SHOC1: variants seen among roughly 807,000 people sequenced by gnomAD.
The protein encoded by SHOC1 is shortage in chiasmata 1.
Under a neutral mutation model 179.2 loss-of-function variants are expected in SHOC1, and 136 were observed. The observed-to-expected ratio is 0.76, with a 90% CI of 0.66 to 0.87. SHOC1 has a LOEUF of 0.87. Among genes scored for constraint, SHOC1 ranks in the 40% least tolerant of loss-of-function variants. SHOC1 has a pLI of 0.00. For missense variants in SHOC1, 1,538 were observed against 1,700.8 expected (o/e 0.90, Z 1.68); for synonymous variants, 489 against 586.6 (o/e 0.83, Z 2.41).
rs113089026 is a variant in SHOC1 at position 111,781,928 on chromosome 9, T to C, written c.170-911A>G. 3.5e-3 allele frequency among the ~76,000 whole-genome samples: 525 copies of C among 152,122 alleles called. 2 individuals carry two copies. The highest frequency in any genetic ancestry group is 0.012 in the African/African-American group (490 of 41,476). On this transcript the variant is annotated intron_variant, in intron 3 of 27. Transcript: ENST00000682961. ...ATTTAACATCTAAGCCTGTGCCTCA[T>C]TGAAAAACATGAAAAAAAATACAAG... is the stretch of plus-strand genomic sequence containing the variant.
chr9:111,764,200 A>C (rs984976972), intron 5 of SHOC1, among the ~76,000 whole-genome samples: 1 of 152,208 alleles, frequency 6.6e-6, no homozygotes, highest in African/African-American at 2.4e-5. Context: ...TAGCTGTCTC[A>C]GTTATCAGAA....
chr9:111,740,946 G>T (rs1452992217), intron 11 of SHOC1, among the ~76,000 whole-genome samples: 1 of 152,122 alleles, frequency 6.6e-6, no homozygotes, highest in Non-Finnish European at 1.5e-5. Context: ...GGAGCGCAAT[G>T]GCGCCATCTC....
chr9:111,771,779 C>A (rs1055128878), intron 5 of SHOC1, among the ~76,000 whole-genome samples: 13 of 152,046 alleles, frequency 8.6e-5, no homozygotes, highest in African/African-American at 3.1e-4. Flanking sequence ...AAGTCTGTTA[C>A]CAGAAGAATT....
intron 15 of SHOC1, among the ~76,000 whole-genome samples, chr9:111,722,192 G>C (rs1031926429): frequency 2.6e-5 from 4 of 152,018 alleles, no homozygotes; most frequent in Non-Finnish European, 5.9e-5. Flanking sequence ...TGTCAATTAG[G>C]AGCTTCACTG....
At chr9:111,771,610 G>T (rs912984683) in intron 5 of SHOC1, among the ~76,000 whole-genome samples, 34 of 152,082 alleles carry the variant, frequency 2.2e-4, no homozygotes, top group African/African-American at 8.0e-4. Context: ...TCTGATGGGG[G>T]TGGATTCTCT....
intron 1 of SHOC1, among the ~76,000 whole-genome samples, chr9:111,793,873 G>A (rs1836532359): frequency 6.6e-6 from 1 of 151,812 alleles, no homozygotes; most frequent in Admixed American, 6.6e-5. Flanking sequence ...AATTTTTTGA[G>A]ACAGAGTCTC....
At chr9:111,739,514 C>T (rs1833944760) in intron 11 of SHOC1, among the ~76,000 whole-genome samples, 3 of 152,064 alleles carry the variant, frequency 2.0e-5, no homozygotes, top group Admixed American at 2.0e-4. Flanking sequence ...CTTCCTGACA[C>T]TATAAACTAC....
chr9:111,704,424 C>A (rs1344977438), intron 21 of SHOC1, among the ~76,000 whole-genome samples: 1 of 151,960 alleles, frequency 6.6e-6, no homozygotes, highest in Non-Finnish European at 1.5e-5. Flanking sequence ...GCTCTGTTGC[C>A]CAGCCTGGAG....
At chr9:111,761,369 G>A (rs1435165248) in intron 5 of SHOC1, among the ~76,000 whole-genome samples, 2 of 152,096 alleles carry the variant, frequency 1.3e-5, no homozygotes, top group African/African-American at 4.8e-5. Flanking sequence ...GGGCTTGGTG[G>A]TGGGGACCTG....
intron 22 of SHOC1, 119 bp from the exon 23 acceptor site, chr9:111,702,345 G>A: frequency 3.0e-6 from 2 of 655,814 alleles, no homozygotes; most frequent in South Asian, 3.8e-5. Flanking sequence ...GCATGGGTAT[G>A]AGCCCCCATT....
chr9:111,723,764 A>T (rs1175452745), intron 14 of SHOC1, 28 bp downstream of exon 14: 1 of 1,602,650 alleles, frequency 6.2e-7, no homozygotes, highest in African/African-American at 1.3e-5. Flanking sequence ...AGCAAATCTG[A>T]AATGCATTTT....
At position 111,702,116 on chromosome 9, in the gene SHOC1, T is replaced by C; in HGVS notation, c.3078A>G (p.Thr1026=). ...YCWIILYTKE[T]LNSEYLLTEK... ...AAATGTTTACCTACTCTGAATTTAA[T>C]GTTTCTTTGGTATATAAAATTATCC... Residue 1026 remains threonine (T), a synonymous_variant, in exon 23 of 28, where the codon ACA becomes ACG. Transcript: ENST00000682961. 6.7e-7 allele frequency: 1 copy of C among 1,484,110 alleles called. No homozygotes were observed. The allele number at this position is 1,484,110 out of a possible 1,614,324, so 91.9% of individuals were successfully genotyped here.
intron 8 of SHOC1, among the ~76,000 whole-genome samples, chr9:111,751,820 T>C (rs969308274): frequency 4.6e-5 from 7 of 152,096 alleles, no homozygotes; most frequent in African/African-American, 1.7e-4. Context: ...ATAAAATACA[T>C]AAAGTGAGGA....
At chr9:111,781,204 CT>C in intron 3 of SHOC1, 187 bp from the exon 4 acceptor site, 1 of 559,314 alleles carries the variant, frequency 1.8e-6, no homozygotes, top group African/African-American at 1.9e-5. Context: ...ACCCCCGCCC[CT>C]CAATCAACTA....
At chr9:111,758,669 A>T in intron 6 of SHOC1, 26 bp downstream of exon 6, 1 of 1,538,570 alleles carries the variant, frequency 6.5e-7, no homozygotes, top group Non-Finnish European at 8.7e-7. Context: ...AAAAATATTT[A>T]CAGCATTGGT....
At chr9:111,708,359 C>T (rs1456761485) in intron 18 of SHOC1, among the ~76,000 whole-genome samples, 4 of 151,984 alleles carry the variant, frequency 2.6e-5, no homozygotes, top group Non-Finnish European at 4.4e-5. Context: ...CCTGCCACCA[C>T]GCCCAGCCAA....
At chr9:111,704,105 T>C (rs1347389509) in intron 21 of SHOC1, 113 bp from the exon 22 acceptor site, 1 of 555,322 alleles carries the variant, frequency 1.8e-6, no homozygotes, top group African/African-American at 1.9e-5. Flanking sequence ...GCTTTTTCTT[T>C]TACATGTCAA....
At chr9:111,695,264 G>C (rs1831636674) in intron 24 of SHOC1, among the ~76,000 whole-genome samples, 1 of 152,112 alleles carries the variant, frequency 6.6e-6, no homozygotes, top group South Asian at 2.1e-4. Flanking sequence ...TTAGTAAACT[G>C]TAGAAATCTC....
intron 23 of SHOC1, 139 bp downstream of exon 23, chr9:111,701,966 A>C (rs1831992675): frequency 1.7e-6 from 1 of 574,516 alleles, no homozygotes; most frequent in South Asian, 3.0e-5. Context: ...TCCTGTGATC[A>C]TACCTCCAGC....
Sources: gnomAD v4.1 joint callset for allele counts (sites outside exome capture counted in the v4.1 genomes callset) on GRCh38, gnomAD v4.1.1 for gene constraint, MANE v1.5 for transcripts, NCBI Gene and HGNC (gene_info 2026-07-23, HGNC 2026-07-21) for gene names.